The following PTBP3 variants were observed in gnomAD, a reference collection of about 807,000 sequenced individuals.
PTBP3 encodes the protein polypyrimidine tract binding protein 3.
PTBP3 carries 20 observed loss-of-function variants against 58.7 expected under a neutral mutation model. The observed-to-expected ratio is 0.34, with a 90% CI of 0.24 to 0.50. PTBP3 has a LOEUF of 0.50. PTBP3 is among the 20% of genes least tolerant of loss of function. The pLI is 0.98. For synonymous variants in PTBP3, 185 were observed against 219.8 expected, an observed-to-expected ratio of 0.84 and a Z score of 1.40; for missense variants, 509 against 637.2, an observed-to-expected ratio of 0.80 and a Z score of 2.17.
chr9:112,276,507 G>T (rs1297597828), intron 2 of PTBP3, among the ~76,000 whole-genome samples: 1 of 151,872 alleles, frequency 6.6e-6, no homozygotes, highest in East Asian at 1.9e-4. Context: ...TTATTTCTTG[G>T]GTGCTAATAG....
the PTBP3 span, among the ~76,000 whole-genome samples, chr9:112,370,537 T>C: frequency 6.6e-6 from 1 of 152,146 alleles, no homozygotes; most frequent in Non-Finnish European, 1.5e-5. Context: ...TGAGACCCCG[T>C]TTCAATTAAA....
At chr9:112,345,826 T>A in the PTBP3 span, among the ~76,000 whole-genome samples, 1 of 152,134 alleles carries the variant, frequency 6.6e-6, no homozygotes, top group Non-Finnish European at 1.5e-5. Flanking sequence ...AGAAAAAATG[T>A]AGTATTGCCA....
chr9:112,304,734 T>C (rs1403615646), intron 1 of PTBP3, among the ~76,000 whole-genome samples: 4 of 152,180 alleles, frequency 2.6e-5, no homozygotes, highest in African/African-American at 9.7e-5. Flanking sequence ...CCTGGCTGAT[T>C]TTTTAATTTT....
intron 1 of PTBP3, among the ~76,000 whole-genome samples, chr9:112,312,500 T>TAAA (rs67629809): frequency 8.1e-6 from 1 of 123,072 alleles, no homozygotes. Flanking sequence ...TTTTTTTTTT[T>TAAA]AAAAAAAAAA....
Position 112,275,989 on chromosome 9 carries a change from A to G in PTBP3, c.59T>C (p.Phe20Ser). The change falls in exon 3 of 14, where the codon TTT becomes TCT. Residue 20 changes from phenylalanine (F) to serine (S), a missense_variant. Phe to Ser is a radical substitution (Grantham distance 155, BLOSUM62 -2). Around this residue, in one of 4 missense-constraint regions of PTBP3, gnomAD observed 212 missense variants for 215.3 expected, o/e 0.98. Coordinates refer to ENST00000374257, the MANE Select transcript of PTBP3 (RefSeq NM_001163788.4). Reference protein sequence around the residue: ...VYANGNDSKKFKRDRPPCSPS... With the variant: ...VYANGNDSKKSKRDRPPCSPS... ...CGAACAGGGAGGTCTATCTCGTTTA[A>G]ATTTCTTGCTGTCATTCCCATTAGC... is the stretch of plus-strand genomic sequence containing the variant. The G allele has an allele frequency of 6.2e-7, 1 of 1,612,478 alleles. No individual in the cohort carries two copies. Among genetic ancestry groups the G allele is most frequent in the Non-Finnish European group, 8.5e-7 (1 of 1,179,310 alleles).
the PTBP3 span, among the ~76,000 whole-genome samples, chr9:112,350,217 A>G: frequency 0.94 from 143,456 of 152,064 alleles, 67,786 homozygotes; most frequent in African/African-American, 0.99. Context: ...TTGGGGACTC[A>G]GAGGGTAAAG....
intron 7 of PTBP3, among the ~76,000 whole-genome samples, chr9:112,241,597 T>A (rs1003474092): frequency 6.6e-6 from 1 of 152,214 alleles, no homozygotes; most frequent in African/African-American, 2.4e-5. Context: ...TATGGTAACA[T>A]GCCATACAGT....
the PTBP3 span, among the ~76,000 whole-genome samples, chr9:112,340,967 T>C: frequency 1.3e-5 from 2 of 152,208 alleles, no homozygotes; most frequent in African/African-American, 4.8e-5. Context: ...GTATTTTGTC[T>C]AATGTTTTCT....
the PTBP3 span, among the ~76,000 whole-genome samples, chr9:112,352,302 C>T: frequency 6.6e-6 from 1 of 151,998 alleles, no homozygotes; most frequent in Non-Finnish European, 1.5e-5. Context: ...TAAGGTTTTA[C>T]AGTTTTTTAA....
intron 7 of PTBP3, among the ~76,000 whole-genome samples, chr9:112,235,807 T>C (rs986710352): frequency 1.3e-5 from 2 of 151,900 alleles, no homozygotes; most frequent in Admixed American, 1.3e-4. Flanking sequence ...GGGGTATAGG[T>C]ACACTTAAGC....
chr9:112,220,771 GCTA>G lies in PTBP3; in HGVS notation c.*3077_*3079del. ...AAAGTAAATCATTTTGGTGTAATTC[GCTA>G]CTGTTAAATGTGTACTGCTATTTTT... is the stretch of plus-strand genomic sequence containing the variant. On this transcript the variant is annotated 3_prime_UTR_variant, in exon 14 of 14. Coordinates refer to ENST00000374257, the MANE Select transcript of PTBP3 (RefSeq NM_001163788.4). 1 of 983,084 alleles carries G rather than the reference GCTA, an allele frequency of 1.0e-6. No individual in the cohort carries two copies. Among genetic ancestry groups the G allele is most frequent in the Non-Finnish European group, 1.2e-6 (1 of 827,808 alleles). The allele number at this position is 983,084 out of a possible 1,614,324, so 60.9% of individuals were successfully genotyped here.
At position 112,231,945 on chromosome 9, in the gene PTBP3, A is replaced by AAG. The variant is rs1389943679; in HGVS notation, c.1020+152_1020+153dup. Reference sequence around the variant, plus strand: ...AAGAGAAGAGAAGAGAAGAGAAGAGAAGAGAAGAGAAGAGAAGAGAAGAGA... The same window carrying AAG: ...AAGAGAAGAGAAGAGAAGAGAAGAGAAGAGAGAAGAGAAGAGAAGAGAAGAGA... On this transcript the variant is annotated intron_variant, in intron 9 of 13. Transcript: ENST00000374257. Among the ~76,000 whole-genome samples, 11 of 81,624 alleles carry AAG rather than the reference A, an allele frequency of 1.3e-4. No homozygotes were observed. The East Asian group carries it at 1.9e-3, about 14-fold the overall frequency. 53.5% of individuals were successfully genotyped at this position (81,624 alleles called of 152,430 possible).
At chr9:112,226,432 C>T (rs114808392) in intron 12 of PTBP3, among the ~76,000 whole-genome samples, 1 of 152,178 alleles carries the variant, frequency 6.6e-6, no homozygotes, top group African/African-American at 2.4e-5. Context: ...CACATACACA[C>T]ACATCCCCCA....
the PTBP3 span, among the ~76,000 whole-genome samples, chr9:112,374,075 C>T: frequency 1.7e-4 from 26 of 152,196 alleles, no homozygotes; most frequent in Admixed American, 4.6e-4. Context: ...AGTTTCCCAT[C>T]GACCTTAACC....
chr9:112,309,767 G>A (rs1418319460), intron 1 of PTBP3, among the ~76,000 whole-genome samples: 3 of 149,684 alleles, frequency 2.0e-5, no homozygotes, highest in East Asian at 2.0e-4. Flanking sequence ...CAGCCTGGGC[G>A]ACAGAGAGAG....
At chr9:112,271,608 C>T (rs1225937398) in intron 3 of PTBP3, among the ~76,000 whole-genome samples, 1 of 152,052 alleles carries the variant, frequency 6.6e-6, no homozygotes, top group African/African-American at 2.4e-5. Flanking sequence ...TGCCTGTAAT[C>T]CTAGGTTCTC....
At chr9:112,333,123 C>T in intron 1 of PTBP3, 3 of 1,258,896 alleles carry the variant, frequency 2.4e-6, no homozygotes, top group Non-Finnish European at 3.0e-6. Flanking sequence ...GAGGAAGTGT[C>T]GGGAGGCCGA....
the PTBP3 span, among the ~76,000 whole-genome samples, chr9:112,348,839 G>A: frequency 2.0e-5 from 3 of 152,122 alleles, no homozygotes; most frequent in Non-Finnish European, 2.9e-5. Context: ...TCCCAGATGT[G>A]ACAACTAAAA....
intron 1 of PTBP3, among the ~76,000 whole-genome samples, chr9:112,325,599 T>TAA (rs56025050): frequency 0.47 from 68,358 of 144,306 alleles, 16,575 homozygotes; most frequent in African/African-American, 0.6. Flanking sequence ...TCACAGAAAT[T>TAA]AAAAAAAAAA....
Sources: allele counts gnomAD v4.1 joint callset (sites outside exome capture counted in the v4.1 genomes callset), GRCh38; gene constraint gnomAD v4.1.1; regional missense constraint gnomAD v4.1.1; transcripts MANE v1.5; gene names NCBI Gene and HGNC (gene_info 2026-07-23, HGNC 2026-07-21).